TMC8: variants seen among roughly 807,000 people sequenced by gnomAD.
TMC8 encodes the protein transmembrane channel-like protein 8.
Under a neutral mutation model 76.0 loss-of-function variants are expected in TMC8, and 71 were observed. The ratio of observed to expected loss-of-function variants is 0.93; its 90% CI spans 0.77 to 1.14. The LOEUF is 1.14. Ranked by LOEUF, TMC8 falls within the 50% of genes most tolerant of loss-of-function variation. The probability of loss-of-function intolerance (pLI) is 0.00; values close to 1 mark genes in which losing one functional copy is unlikely to be tolerated. For synonymous variants in TMC8, 433 were observed against 433.8 expected (o/e 1.00, Z 0.02); for missense variants, 924 against 947.9 (o/e 0.97, Z 0.33).
intron 14 of TMC8, 54 bp downstream of exon 14, chr17:78,138,786 CCT>C: frequency 1.9e-6 from 3 of 1,597,492 alleles, no homozygotes; most frequent in Non-Finnish European, 2.5e-6. Flanking sequence ...GGAGGTCCTT[CCT>C]TCCATGGGGG....
rs1476594374 is a variant in TMC8, at chr17:78,138,198, C to G, written c.1533+10C>G. The G allele has an allele frequency of 6.2e-7, 1 of 1,613,676 alleles. No homozygotes were observed. Among genetic ancestry groups the G allele is most frequent in the East Asian group, 2.2e-5 (1 of 44,890 alleles). On this transcript the variant is annotated intron_variant, in intron 12 of 15. Coordinates refer to ENST00000318430, the MANE Select transcript of TMC8 (RefSeq NM_152468.5). Reference sequence around the variant, plus strand: ...CTTCTACATCAAGAAGGTGACGGCTCATGGCTGGGGGGTATGGGGTTCGTG... The same window carrying G: ...CTTCTACATCAAGAAGGTGACGGCTGATGGCTGGGGGGTATGGGGTTCGTG...
In TMC8 at chr17:78,140,759, T is replaced by G. The variant is rs922261613; in HGVS notation, c.1903-75T>G. The G allele has an allele frequency of 3.9e-6, 6 of 1,546,772 alleles. No homozygotes were observed. In the African/African-American group the frequency reaches 8.2e-5, roughly 21 times the overall value. On this transcript the variant is annotated intron_variant, in intron 15 of 15. Transcript: ENST00000318430. ...CGGGCTGGCCCATGGGCCGCAGAGT[T>G]GCTGCCGCTGCTGTCCTCACACCCG...
Position 78,131,740 on chromosome 17 carries a change from G to A in TMC8, c.149+3G>A, listed in dbSNP as rs2074977188. 1 of 1,580,760 alleles carries A rather than the reference G, an allele frequency of 6.3e-7. No homozygotes were observed. Among genetic ancestry groups the A allele is most frequent in the Non-Finnish European group, 8.6e-7 (1 of 1,165,764 alleles). ...ATGATGGACAAGCGCCTCATCTGGT[G>A]GGTGCCACGCGGGCGCCAGACGGTG... On this transcript the variant is annotated splice_donor_region_variant and intron_variant, in intron 2 of 15. Coordinates refer to ENST00000318430, the MANE Select transcript of TMC8 (RefSeq NM_152468.5).
chr17:78,139,117 T>A (rs1470736502), intron 14 of TMC8, 45 bp from the exon 15 acceptor site: 1 of 1,609,270 alleles, frequency 6.2e-7, no homozygotes. Context: ...GAGAGGCGCC[T>A]GTGGCCCCAG....
In TMC8 at chr17:78,137,798, G is replaced by C. The variant is rs2075272342; in HGVS notation, c.1333G>C (p.Val445Leu). ...FLLTVAFAFLVTLPRRLLVDR... is the reference protein window; with the variant it reads ...FLLTVAFAFLLTLPRRLLVDR... ...CCTCACCGTGGCCTTCGCCTTCCTG[G>C]TCACCCTGCCTCGGAGGTGAGCCCC... Residue 445 changes from valine to leucine, a missense_variant, in exon 11 of 16, where the codon GTC (valine) becomes CTC (leucine). Transcript: ENST00000318430. 6.2e-7 allele frequency: 1 copy of C among 1,613,358 alleles called. No individual in the cohort carries two copies. Among genetic ancestry groups the C allele is most frequent in the African/African-American group, 1.3e-5 (1 of 75,050 alleles).
rs779375758 is a variant in TMC8, at chr17:78,132,208, C to A, written c.299-151C>A. 4.4e-6 allele frequency: 6 copies of A among 1,368,670 alleles called. No homozygotes were observed. In the African/African-American group the frequency reaches 5.7e-5, roughly 13 times the overall value. The allele number at this position is 1,368,670 out of a possible 1,614,324, so 84.8% of individuals were successfully genotyped here. A position where few individuals can be genotyped will look rare whatever the true frequency, so the allele number is the denominator to read the frequency against. On this transcript the variant is annotated intron_variant, in intron 3 of 15. Coordinates refer to ENST00000318430, the MANE Select transcript of TMC8 (RefSeq NM_152468.5). ...CCGCAAACCTCGGGCCCACGCAGCA[C>A]CCCCAGGTGACTGTCAGCGGTACCT... is the stretch of plus-strand genomic sequence containing the variant.
intron 5 of TMC8, among the ~76,000 whole-genome samples, 176 bp from the exon 6 acceptor site, chr17:78,133,230 A>G (rs1353663594): frequency 2.6e-5 from 4 of 152,058 alleles, no homozygotes; most frequent in Admixed American, 6.5e-5. Context: ...TCGTGGCTCT[A>G]TTTCTCAAAG....
chr17:78,137,119 G>T (rs2075253266), intron 9 of TMC8, 116 bp from the exon 10 acceptor site: 1 of 1,511,306 alleles, frequency 6.6e-7, no homozygotes, highest in Non-Finnish European at 8.9e-7. Flanking sequence ...GTTGGAAGGA[G>T]GCTGGGCCCA....
intron 6 of TMC8, 97 bp from the exon 7 acceptor site, chr17:78,133,756 G>T: frequency 6.3e-7 from 1 of 1,585,810 alleles, no homozygotes; most frequent in Non-Finnish European, 8.6e-7. Flanking sequence ...TGCACCTGGG[G>T]CTGCAGGGGC....
rs771490176 is a variant in TMC8 at position 78,139,084 on chromosome 17, A to T, written c.1824-78A>T. The T allele has an allele frequency of 1.1e-4, 181 of 1,592,810 alleles. 1 individual carries two copies. In the Middle Eastern group the frequency reaches 1.2e-3, roughly 10 times the overall value. On this transcript the variant is annotated intron_variant, in intron 14 of 15. Transcript: ENST00000318430. ...CCAGTACCGCGTATTGTAGAGATTG[A>T]GGTGGGGAGAGAGGAAGTCAGGGAG... is the stretch of plus-strand genomic sequence containing the variant.
At position 78,134,374 on chromosome 17, in the gene TMC8, G is replaced by C; in HGVS notation, c.817-20G>C. The C allele has an allele frequency of 6.2e-7, 1 of 1,607,604 alleles. No homozygotes were observed. The highest frequency in any genetic ancestry group is 8.5e-7 in the Non-Finnish European group (1 of 1,179,850). ...GCCCACCCCGCCTGCAGCTGCCTCTGTCCCCACCCTTCCGGGCAGGTGGAG... is the reference window on the plus strand; with the variant it reads ...GCCCACCCCGCCTGCAGCTGCCTCTCTCCCCACCCTTCCGGGCAGGTGGAG... On this transcript the variant is annotated intron_variant, in intron 7 of 15. Coordinates refer to ENST00000318430, the MANE Select transcript of TMC8 (RefSeq NM_152468.5).
rs1390003602 is a variant in TMC8 at position 78,137,697 on chromosome 17, C to A, written c.1252-20C>A. The A allele has an allele frequency of 1.2e-6, 2 of 1,601,956 alleles. No homozygotes were observed. ...GGGGTGGCCGTGAGTGGTGACGGGT[C>A]CCCTTCCCCTGCACCCCAGTGCTGG... On this transcript the variant is annotated intron_variant, in intron 10 of 15. Coordinates refer to ENST00000318430, the MANE Select transcript of TMC8 (RefSeq NM_152468.5).
In TMC8 at chr17:78,133,894, G is replaced by C; in HGVS notation, c.710G>C (p.Gly237Ala). The C allele has an allele frequency of 1.2e-6, 2 of 1,613,478 alleles. No individual in the cohort carries two copies. Among genetic ancestry groups the C allele is most frequent in the East Asian group, 4.5e-5 (2 of 44,880 alleles). Residue 237 changes from glycine to alanine, a missense_variant, in exon 7 of 16, where the codon GGC becomes GCC. Transcript: ENST00000318430. Reference sequence around the variant, plus strand: ...CCGCAGAAGACTCTGCTGGGTCAGGGCTATCAGGCGCCTCTCAGCGCCAAG... The same window carrying C: ...CCGCAGAAGACTCTGCTGGGTCAGGCCTATCAGGCGCCTCTCAGCGCCAAG... ...GLPQKTLLGQ[G>A]YQAPLSAKVF...
intron 14 of TMC8, 140 bp downstream of exon 14, chr17:78,138,872 G>C: frequency 6.5e-7 from 1 of 1,539,688 alleles, no homozygotes; most frequent in Non-Finnish European, 8.7e-7. Flanking sequence ...TGAAAAGCAG[G>C]AACCTCCTGG....
intron 5 of TMC8, 128 bp from the exon 6 acceptor site, chr17:78,133,278 C>T: frequency 6.8e-7 from 1 of 1,460,178 alleles, no homozygotes; most frequent in Non-Finnish European, 9.5e-7. Flanking sequence ...CCTCTGTGGG[C>T]CCTTGTAAGA....
rs1035231205 is a variant in TMC8 at position 78,133,751 on chromosome 17, C to G, written c.669-102C>G. The G allele has an allele frequency of 3.8e-6, 6 of 1,581,802 alleles. No homozygotes were observed. In the African/African-American group the frequency reaches 8.1e-5, roughly 21 times the overall value. ...ACTCCTCACTCACCAGGACCTGCACCTGGGGCTGCAGGGGCCTTCCCAGAC... is the reference window on the plus strand; with the variant it reads ...ACTCCTCACTCACCAGGACCTGCACGTGGGGCTGCAGGGGCCTTCCCAGAC... On this transcript the variant is annotated intron_variant, in intron 6 of 15. Coordinates refer to ENST00000318430, the MANE Select transcript of TMC8 (RefSeq NM_152468.5).
Position 78,134,919 on chromosome 17 carries a change from T to A in TMC8, c.1037T>A (p.Leu346Gln). 1 of 1,614,174 alleles carries A rather than the reference T, an allele frequency of 6.2e-7. No homozygotes were observed. The highest frequency in any genetic ancestry group is 8.5e-7 in the Non-Finnish European group (1 of 1,180,016). The stretch of plus-strand genomic sequence containing the variant: ...TACCTGCCCCCTGGGGTCATCGCCC[T>A]GGTCAACTTCCTGGGTCCCCTGCTG... ...LQYLPPGVIA[L>Q]VNFLGPLLFT... The change falls in exon 9 of 16, where the codon CTG becomes CAG. Residue 346 changes from leucine (L) to glutamine (Q), a missense_variant. Transcript: ENST00000318430.
intron 8 of TMC8, 61 bp from the exon 9 acceptor site, chr17:78,134,809 G>T: frequency 6.2e-7 from 1 of 1,608,144 alleles, no homozygotes; most frequent in South Asian, 1.1e-5. Context: ...CACTGTGGGG[G>T]GCGGGGAGCA....
Position 78,134,517 on chromosome 17 carries a change from A to G in TMC8, c.940A>G (p.Ile314Val). ...CAACGGGCTCCTGGTGGTTGGGGCC[A>G]TCAGCGCCATCTTCTGGGCTACCAA... The part of the protein sequence containing the change: ...VLNGLLVVGA[I>V]SAIFWATKYS... The change falls in exon 8 of 16, where the codon ATC becomes GTC. Residue 314 changes from isoleucine to valine, a missense_variant. Coordinates refer to ENST00000318430, the MANE Select transcript of TMC8 (RefSeq NM_152468.5). 1 of 1,614,126 alleles carries G rather than the reference A, an allele frequency of 6.2e-7. No individual in the cohort carries two copies. The highest frequency in any genetic ancestry group is 8.5e-7 in the Non-Finnish European group (1 of 1,180,032).
Sources: gnomAD v4.1 joint callset for allele counts (sites outside exome capture counted in the v4.1 genomes callset) on GRCh38, gnomAD v4.1.1 for gene constraint, MANE v1.5 for transcripts, NCBI Gene and HGNC (gene_info 2026-07-23, HGNC 2026-07-21) for gene names.